Variants in SLC36A1 observed in about 807,000 individuals in gnomAD.
SLC36A1 encodes proton-coupled amino acid transporter 1.
Under a neutral mutation model 47.5 loss-of-function variants are expected in SLC36A1, and 30 were observed. The observed-to-expected ratio is 0.63, with a 90% CI of 0.47 to 0.86. SLC36A1 has a LOEUF of 0.86. SLC36A1 is among the 40% of genes least tolerant of loss of function. The pLI is 0.00. For missense variants in SLC36A1, 517 were observed against 606.0 expected (o/e 0.85, Z 1.54); for synonymous variants, 255 against 249.7 (o/e 1.02, Z -0.20).
the SLC36A1 span, among the ~76,000 whole-genome samples, chr5:151,399,362 T>C: frequency 1.3e-5 from 2 of 151,954 alleles, no homozygotes; most frequent in Non-Finnish European, 2.9e-5. Context: ...GCTGGGATTA[T>C]AGGCGTGAGC....
At chr5:151,426,234 G>C in the SLC36A1 span, among the ~76,000 whole-genome samples, 3 of 152,210 alleles carry the variant, frequency 2.0e-5, no homozygotes, top group Non-Finnish European at 1.5e-5. Flanking sequence ...ATAAGACACA[G>C]AGACAAAGTA....
the SLC36A1 span, among the ~76,000 whole-genome samples, chr5:151,417,266 G>A: frequency 2.0e-5 from 3 of 152,334 alleles, no homozygotes; most frequent in East Asian, 5.8e-4. Context: ...ACAGGAAGAT[G>A]TAGGAAAGTT....
At chr5:151,551,976 GGT>G in the SLC36A1 span, among the ~76,000 whole-genome samples, 3,440 of 143,462 alleles carry the variant, frequency 0.024, 54 homozygotes, top group Admixed American at 0.063. Context: ...TAACCCTAAG[GGT>G]GTGTGTGTGT....
At chr5:151,382,251 C>G in the SLC36A1 span, 1 of 1,335,396 alleles carries the variant, frequency 7.5e-7, no homozygotes, top group South Asian at 1.2e-5. Context: ...GACTCACTAC[C>G]AGCCTGGGAG....
the SLC36A1 span, among the ~76,000 whole-genome samples, chr5:151,356,861 G>A: frequency 6.6e-6 from 1 of 152,122 alleles, no homozygotes. Context: ...ATGATTTCCT[G>A]TGCAATTCCT....
the SLC36A1 span, chr5:151,521,911 T>C: frequency 6.2e-7 from 1 of 1,613,830 alleles, no homozygotes; most frequent in Non-Finnish European, 8.5e-7. Flanking sequence ...CAGCGTGTCC[T>C]GGGGGTCTCG....
the SLC36A1 span, chr5:151,509,423 GGT>G: frequency 6.6e-6 from 1 of 152,634 alleles, no homozygotes; most frequent in East Asian, 1.9e-4. Flanking sequence ...CATACTGGTC[GGT>G]GGCCTGTTAG....
the SLC36A1 span, chr5:151,540,540 C>T: frequency 1.3e-6 from 2 of 1,591,078 alleles, no homozygotes; most frequent in South Asian, 2.3e-5. Context: ...CCTTCACTAC[C>T]CACTCCACCC....
chr5:151,363,621 GATTT>G, the SLC36A1 span, among the ~76,000 whole-genome samples: 1 of 152,040 alleles, frequency 6.6e-6, no homozygotes, highest in African/African-American at 2.4e-5. Flanking sequence ...CCTTACGCTG[GATTT>G]ATTTATCTTG....
the SLC36A1 span, chr5:151,549,410 G>C: frequency 6.2e-7 from 1 of 1,614,150 alleles, no homozygotes; most frequent in Middle Eastern, 1.7e-4. Flanking sequence ...CCTCATAATG[G>C]AGCTGAGTGA....
chr5:151,458,104 T>G (rs1011620909), intron 1 of SLC36A1, among the ~76,000 whole-genome samples: 1 of 151,668 alleles, frequency 6.6e-6, no homozygotes, highest in African/African-American at 2.4e-5. Flanking sequence ...CGCCTTGGCC[T>G]CCCAAAGTGC....
At chr5:151,531,564 G>A in the SLC36A1 span, 2 of 1,611,398 alleles carry the variant, frequency 1.2e-6, no homozygotes, top group East Asian at 2.2e-5. This position sits in a 1 kb window ranked among gnomAD's most constrained non-coding sequence, Gnocchi z 5.7. Flanking sequence ...GATGCTTTGG[G>A]GCTTGGTGGA....
chr5:151,383,601 C>T, the SLC36A1 span, among the ~76,000 whole-genome samples: 2 of 130,316 alleles, frequency 1.5e-5, no homozygotes, highest in Non-Finnish European at 3.1e-5. Context: ...GAGACAGAGA[C>T]TCGCTCTGTC....
At chr5:151,542,143 T>G in the SLC36A1 span, 13 of 684,104 alleles carry the variant, frequency 1.9e-5, no homozygotes, top group East Asian at 3.4e-4. Flanking sequence ...GTGGAGAAAC[T>G]GAGGTCCTAG....
intron 10 of SLC36A1, among the ~76,000 whole-genome samples, chr5:151,485,173 CAT>C (rs1181810205): frequency 6.6e-6 from 1 of 152,164 alleles, no homozygotes; most frequent in African/African-American, 2.4e-5. Context: ...GGGCTGAAAA[CAT>C]AGTAGTTTTG....
At chr5:151,378,064 G>A in the SLC36A1 span, 2 of 323,830 alleles carry the variant, frequency 6.2e-6, no homozygotes, top group South Asian at 7.9e-5. Context: ...AGGGTGATGT[G>A]ATCTTCACTA....
the SLC36A1 span, chr5:151,512,089 C>T: frequency 4.2e-6 from 6 of 1,415,590 alleles, no homozygotes; most frequent in Non-Finnish European, 5.8e-6. The surrounding 1 kb of genome is among the most constrained non-coding windows in gnomAD (Gnocchi z 4.1). Context: ...CTGAGATCTC[C>T]ACCCTGACAT....
At chr5:151,358,403 CT>C in the SLC36A1 span, among the ~76,000 whole-genome samples, 3 of 152,050 alleles carry the variant, frequency 2.0e-5, no homozygotes, top group Non-Finnish European at 4.4e-5. Flanking sequence ...TCCCAAGTAT[CT>C]GAAACTACAG....
chr5:151,537,760 TC>T, the SLC36A1 span: 33 of 1,591,438 alleles, frequency 2.1e-5, no homozygotes, highest in Middle Eastern at 5.2e-4. Flanking sequence ...GTAAAGAAGT[TC>T]TTGTTTTGAT....
Sources: allele counts gnomAD v4.1 joint callset (sites outside exome capture counted in the v4.1 genomes callset), GRCh38; gene constraint gnomAD v4.1.1; non-coding constraint Gnocchi (gnomAD v3.1); transcripts MANE v1.5; gene names NCBI Gene and HGNC (gene_info 2026-07-23, HGNC 2026-07-21).